The following RUBCN variants were observed in gnomAD, a reference collection of about 807,000 sequenced individuals.
The protein encoded by RUBCN is run domain Beclin-1-interacting and cysteine-rich domain-containing protein.
RUBCN carries 74 observed loss-of-function variants against 113.2 expected under a neutral mutation model. That is an observed-to-expected ratio of 0.65 (90% CI 0.54 to 0.79). The LOEUF (loss-of-function observed/expected upper bound fraction) is 0.79, where lower values mean the gene tolerates loss of function less well. Among genes scored for constraint, RUBCN ranks in the 30% least tolerant of loss-of-function variants. The pLI is 0.00. For missense variants in RUBCN, 1,109 were observed against 1,251.7 expected, an observed-to-expected ratio of 0.89 and a Z score of 1.72; for synonymous variants, 480 against 490.0, an observed-to-expected ratio of 0.98 and a Z score of 0.27.
chr3:197,693,235 T>G (rs566277697), intron 11 of RUBCN, among the ~76,000 whole-genome samples: 8 of 152,234 alleles, frequency 5.3e-5, no homozygotes, highest in African/African-American at 1.9e-4. Flanking sequence ...TGCTGAGCAG[T>G]GAGCACCGAC....
At chr3:197,680,271 A>G (rs922308898) in intron 16 of RUBCN, among the ~76,000 whole-genome samples, 4 of 124,068 alleles carry the variant, frequency 3.2e-5, no homozygotes, top group African/African-American at 1.3e-4. Flanking sequence ...TGCTCTGACA[A>G]CTGGCTTCAG....
rs1207082735 is a variant in RUBCN at position 197,681,148 on chromosome 3, T to C, written c.2411A>G (p.Lys804Arg). The change falls in exon 16 of 20, where the codon AAG (lysine) becomes AGG (arginine). Residue 804 changes from lysine to arginine, a missense_variant. Coordinates refer to ENST00000296343, the MANE Select transcript of RUBCN (RefSeq NM_014687.4). This position sits in a 1 kb window ranked among gnomAD's most constrained non-coding sequence, Gnocchi z 5.5. ...DINSALYRKV[K>R]LLNQVRLLRV... ...TCTTACCCGGACTTGATTGAGCAGCTTGACCTTCCTATAGAGGGCACTGTT... is the reference window on the plus strand; with the variant it reads ...TCTTACCCGGACTTGATTGAGCAGCCTGACCTTCCTATAGAGGGCACTGTT... 6.2e-7 allele frequency: 1 copy of C among 1,613,578 alleles called. No homozygotes were observed. Among genetic ancestry groups the C allele is most frequent in the Non-Finnish European group, 8.5e-7 (1 of 1,179,578 alleles).
At chr3:197,704,890 G>A (rs1048574939) in intron 3 of RUBCN, among the ~76,000 whole-genome samples, 189 bp from the exon 4 acceptor site, 23 of 152,022 alleles carry the variant, frequency 1.5e-4, no homozygotes, top group African/African-American at 5.5e-4. Context: ...AGGAGAAAAA[G>A]TGGCCTGGAC....
At chr3:197,714,111 A>G (rs974955562) in intron 2 of RUBCN, among the ~76,000 whole-genome samples, 4 of 152,094 alleles carry the variant, frequency 2.6e-5, no homozygotes, top group Non-Finnish European at 5.9e-5. Context: ...AAAGAGTTAT[A>G]TAATTTGCCC....
At chr3:197,729,153 A>AAAG (rs1465548057) in intron 1 of RUBCN, among the ~76,000 whole-genome samples, 1 of 152,060 alleles carries the variant, frequency 6.6e-6, no homozygotes, top group African/African-American at 2.4e-5. Context: ...CTCAAAAAAA[A>AAAG]AAAAAAAAGA....
intron 7 of RUBCN, among the ~76,000 whole-genome samples, chr3:197,697,266 A>C (rs1723120743): frequency 6.6e-6 from 1 of 152,162 alleles, no homozygotes; most frequent in Non-Finnish European, 1.5e-5. Context: ...AAGAAACGTG[A>C]TCCAGAATGG....
rs550417694 is a variant in RUBCN at position 197,714,414 on chromosome 3, A to C, written c.219+3563T>G. Reference sequence around the variant, plus strand: ...TAGCTCACTGGAGCCTCAACCTCCCAGGCTTAAGCAATCTTCCCAGCTCAG... The same window carrying C: ...TAGCTCACTGGAGCCTCAACCTCCCCGGCTTAAGCAATCTTCCCAGCTCAG... On this transcript the variant is annotated intron_variant, in intron 2 of 19. Transcript: ENST00000296343. Among the ~76,000 whole-genome samples the C allele has an allele frequency of 9.8e-4, 149 of 152,228 alleles. 1 individual carries two copies. Among genetic ancestry groups the C allele is most frequent in the African/African-American group, 3.4e-3 (143 of 41,550 alleles).
intron 11 of RUBCN, chr3:197,691,135 T>C: frequency 2.3e-6 from 3 of 1,286,734 alleles, no homozygotes; most frequent in Non-Finnish European, 3.0e-6. Flanking sequence ...TCAGGTTAGA[T>C]CCTTCGCTAC....
intron 1 of RUBCN, among the ~76,000 whole-genome samples, chr3:197,723,513 G>T (rs1338795796): frequency 6.6e-6 from 1 of 152,084 alleles, no homozygotes; most frequent in Non-Finnish European, 1.5e-5. Context: ...AACTGACAGT[G>T]ACTTAAGTTT....
intron 11 of RUBCN, among the ~76,000 whole-genome samples, chr3:197,691,455 A>C (rs1354377753): frequency 6.6e-6 from 1 of 152,048 alleles, no homozygotes; most frequent in African/African-American, 2.4e-5. Flanking sequence ...GGCATCTAGT[A>C]GGTAGAGGCT....
In RUBCN at chr3:197,709,695, T is replaced by C. The variant is rs192750866; in HGVS notation, c.220-4520A>G. The stretch of plus-strand genomic sequence containing the variant: ...GCGCCCGGCCTGAAAAGCTACTATA[T>C]TAAAACTGAGTGGTGATGGCAAATA... On this transcript the variant is annotated intron_variant, in intron 2 of 19. Transcript: ENST00000296343. 4.6e-5 allele frequency among the ~76,000 whole-genome samples: 7 copies of C among 152,180 alleles called. No homozygotes were observed. The East Asian group carries it at 1.4e-3, about 29-fold the overall frequency.
chr3:197,689,905 T>C (rs1225899890), intron 11 of RUBCN, among the ~76,000 whole-genome samples: 3 of 152,104 alleles, frequency 2.0e-5, no homozygotes, highest in African/African-American at 7.2e-5. Flanking sequence ...CTAGAACTCA[T>C]CCCTTCTAAC....
chr3:197,735,833 C>A (rs1034205214), intron 1 of RUBCN, among the ~76,000 whole-genome samples: 6 of 152,040 alleles, frequency 3.9e-5, no homozygotes, highest in Admixed American at 2.6e-4. Context: ...CTCAAGCGAC[C>A]CGCCTCAGCC....
At chr3:197,691,148 T>C in intron 11 of RUBCN, 1 of 1,278,520 alleles carries the variant, frequency 7.8e-7, no homozygotes, top group Middle Eastern at 2.1e-4. Flanking sequence ...TTCGCTACCA[T>C]CTGTGTAATA....
intron 11 of RUBCN, among the ~76,000 whole-genome samples, 200 bp downstream of exon 11, chr3:197,693,515 C>A (rs1243243035): frequency 1.3e-5 from 2 of 152,210 alleles, no homozygotes; most frequent in Non-Finnish European, 2.9e-5. Context: ...GCCACTCCAT[C>A]CACCTGGAAC....
chr3:197,724,488 C>G (rs1726522327), intron 1 of RUBCN, among the ~76,000 whole-genome samples: 1 of 152,174 alleles, frequency 6.6e-6, no homozygotes, highest in Non-Finnish European at 1.5e-5. Flanking sequence ...GGTCTATCTT[C>G]AATCCCCAAA....
chr3:197,741,372 C>A (rs1728518014), upstream of RUBCN, among the ~76,000 whole-genome samples: 1 of 152,158 alleles, frequency 6.6e-6, no homozygotes, highest in African/African-American at 2.4e-5. Context: ...TACCAAAATT[C>A]TTTTTCTGTT....
At position 197,690,230 on chromosome 3, in the gene RUBCN, G is replaced by A. The variant is rs1190440178; in HGVS notation, c.1786+3485C>T. Among the ~76,000 whole-genome samples, 10 of 152,296 alleles carry A rather than the reference G, an allele frequency of 6.6e-5. No individual in the cohort carries two copies. In the East Asian group the frequency reaches 7.7e-4, roughly 12 times the overall value. On this transcript the variant is annotated intron_variant, in intron 11 of 19. Transcript: ENST00000296343. ...CGAGGCAGGCAGATGACGAGGTCAC[G>A]AGTTTGAGACCAGCCTGGCCAACAT...
rs936273479 is a variant in RUBCN, at chr3:197,736,849, C to A, written c.-130G>T. 26 of 1,385,952 alleles carry A rather than the reference C, an allele frequency of 1.9e-5. No individual in the cohort carries two copies. Among genetic ancestry groups the A allele is most frequent in the Non-Finnish European group, 2.4e-5 (26 of 1,077,736 alleles). 85.9% of individuals were successfully genotyped at this position (1,385,952 alleles called of 1,614,324 possible). A position where few individuals can be genotyped will look rare whatever the true frequency, so the allele number is the denominator to read the frequency against. On this transcript the variant is annotated 5_prime_UTR_variant, in exon 1 of 20. Transcript: ENST00000296343. Reference sequence around the variant, plus strand: ...TGGGCTCCGGGTGATGCGCTACACCCGGGCGGCGACAGCGGGAGGGACCGC... The same window carrying A: ...TGGGCTCCGGGTGATGCGCTACACCAGGGCGGCGACAGCGGGAGGGACCGC...
Sources: gnomAD v4.1 joint callset for allele counts (sites outside exome capture counted in the v4.1 genomes callset) on GRCh38, gnomAD v4.1.1 for gene constraint, Gnocchi (gnomAD v3.1) non-coding constraint, MANE v1.5 for transcripts, NCBI Gene and HGNC (gene_info 2026-07-23, HGNC 2026-07-21) for gene names.